PEAK1: variants seen among roughly 807,000 people sequenced by gnomAD.
PEAK1 encodes pseudopodium enriched atypical kinase 1.
A neutral mutation model predicts 124.7 loss-of-function variants in PEAK1; 54 were observed. The observed-to-expected ratio is 0.43, with a 90% confidence interval of 0.35 to 0.54. PEAK1 has a LOEUF of 0.54. Ranked by LOEUF, PEAK1 falls within the 20% of genes least tolerant of loss-of-function variation. The probability of loss-of-function intolerance (pLI) is 0.01; values close to 1 mark genes in which losing one functional copy is unlikely to be tolerated. For synonymous variants in PEAK1, 719 were observed against 760.0 expected, an observed-to-expected ratio of 0.95 and a Z score of 0.89; for missense variants, 2,046 against 2,134.5, an observed-to-expected ratio of 0.96 and a Z score of 0.82.
intron 6 of PEAK1, among the ~76,000 whole-genome samples, chr15:77,220,329 A>G (rs2059329172): frequency 6.6e-6 from 1 of 152,050 alleles, no homozygotes; most frequent in Non-Finnish European, 1.5e-5. Flanking sequence ...AAGGCATTTC[A>G]GAAAAAATTA....
chr15:77,368,091 A>C (rs1363525018), intron 1 of PEAK1, among the ~76,000 whole-genome samples: 1 of 152,234 alleles, frequency 6.6e-6, no homozygotes, highest in Admixed American at 6.5e-5. Context: ...AATTTTCTAC[A>C]GTGTTTAATA....
chr15:77,323,026 C>G (rs1326294250), intron 2 of PEAK1, among the ~76,000 whole-genome samples: 4 of 152,140 alleles, frequency 2.6e-5, no homozygotes, highest in Non-Finnish European at 5.9e-5. Flanking sequence ...GAACCAAAGA[C>G]AAAAACCACA....
At chr15:77,319,410 T>A (rs2065064445) in intron 2 of PEAK1, among the ~76,000 whole-genome samples, 1 of 152,206 alleles carries the variant, frequency 6.6e-6, no homozygotes, top group African/African-American at 2.4e-5. Context: ...ATACTCATTA[T>A]CTCTGAAGTA....
chr15:77,248,386 C>T (rs527948668), intron 6 of PEAK1, among the ~76,000 whole-genome samples: 4 of 152,254 alleles, frequency 2.6e-5, no homozygotes, highest in South Asian at 4.2e-4. Flanking sequence ...AAAGATAATC[C>T]GTATTCCGTT....
At chr15:77,307,754 A>G (rs2221983) in intron 2 of PEAK1, among the ~76,000 whole-genome samples, 150,099 of 152,128 alleles carry the variant, frequency 0.99, 74,074 homozygotes, top group East Asian at 1. Flanking sequence ...CCTCTCAACA[A>G]AAGGGATACA....
intron 5 of PEAK1, among the ~76,000 whole-genome samples, chr15:77,273,870 T>C (rs769117371): frequency 1.3e-5 from 2 of 152,082 alleles, no homozygotes. Flanking sequence ...ATTACCCAAC[T>C]TCAAACGATA....
intron 8 of PEAK1, chr15:77,155,474 TTC>T (rs1245935320): frequency 1.3e-5 from 2 of 152,292 alleles, no homozygotes; most frequent in East Asian, 3.8e-4. Context: ...TGAAGCCTTC[TTC>T]TCTCAACTCG....
intron 1 of PEAK1, among the ~76,000 whole-genome samples, chr15:77,383,136 T>C (rs2069626988): frequency 6.6e-6 from 1 of 151,772 alleles, no homozygotes; most frequent in Non-Finnish European, 1.5e-5. Flanking sequence ...CAAGTCTCCT[T>C]TCTCAGCCTC....
chr15:77,179,825 G>A lies in PEAK1; in HGVS notation c.2102C>T (p.Ser701Leu). Residue 701 changes from serine (S) to leucine (L), a missense_variant, in exon 7 of 10, where the codon TCA (serine) becomes TTA (leucine). Physicochemically the swap from Ser to Leu is moderately radical, Grantham distance 145 (BLOSUM62 -2). Coordinates refer to ENST00000682557, the MANE Select transcript of PEAK1 (RefSeq NM_001385026.1). ...AAACTCTTGAACCTTCTGAGCCACT[G>A]AGCCCCTTTTATGCTCTGTGCTGTT... ...FSNSTEHKRG[S>L]VAQKVQEFNN... The A allele has an allele frequency of 6.2e-7, 1 of 1,614,128 alleles. No homozygotes were observed. The highest frequency in any genetic ancestry group is 1.3e-5 in the African/African-American group (1 of 75,032).
At chr15:77,250,184 TATATATAC>T (rs2060793590) in intron 6 of PEAK1, among the ~76,000 whole-genome samples, 1 of 112,998 alleles carries the variant, frequency 8.8e-6, no homozygotes, top group African/African-American at 2.9e-5. Flanking sequence ...TGTATATGTA[TATATATAC>T]ATATATATAC....
At position 77,179,816 on chromosome 15, in the gene PEAK1, T is replaced by C. The variant is rs774159944; in HGVS notation, c.2111A>G (p.Gln704Arg). The C allele has an allele frequency of 4.2e-5, 67 of 1,614,054 alleles. No individual in the cohort carries two copies. The East Asian group carries it at 1.4e-3, about 35-fold the overall frequency. The change falls in exon 7 of 10, where the codon CAG becomes CGG. Residue 704 changes from glutamine (Q) to arginine (R), a missense_variant. By Grantham distance (43) the Gln-to-Arg change is conservative (BLOSUM62 1). Coordinates refer to ENST00000682557, the MANE Select transcript of PEAK1 (RefSeq NM_001385026.1). ...STEHKRGSVA[Q>R]KVQEFNNCLN... ...ACAGTTGTTAAACTCTTGAACCTTC[T>C]GAGCCACTGAGCCCCTTTTATGCTC... is the stretch of plus-strand genomic sequence containing the variant.
chr15:77,188,671 T>C (rs1293280106), intron 6 of PEAK1, among the ~76,000 whole-genome samples: 1 of 152,058 alleles, frequency 6.6e-6, no homozygotes, highest in African/African-American at 2.4e-5. Flanking sequence ...TGAAACCCTA[T>C]TTATCCTTCA....
At chr15:77,145,232 T>A (rs1020571897) in intron 8 of PEAK1, among the ~76,000 whole-genome samples, 3 of 152,204 alleles carry the variant, frequency 2.0e-5, no homozygotes, top group African/African-American at 7.2e-5. Context: ...GTGGATCGCC[T>A]GAGCTCAGAA....
intron 5 of PEAK1, among the ~76,000 whole-genome samples, chr15:77,252,792 T>G (rs2060939446): frequency 6.6e-6 from 1 of 152,190 alleles, no homozygotes; most frequent in Non-Finnish European, 1.5e-5. Flanking sequence ...CTTCATTTGA[T>G]TGTTTTTGTA....
chr15:77,301,560 T>C (rs2063788297), intron 2 of PEAK1, among the ~76,000 whole-genome samples: 1 of 152,178 alleles, frequency 6.6e-6, no homozygotes, highest in Non-Finnish European at 1.5e-5. Flanking sequence ...ATTTATTTGA[T>C]TTCTCATTAG....
intron 6 of PEAK1, among the ~76,000 whole-genome samples, chr15:77,232,730 T>A (rs1384877167): frequency 2.0e-5 from 3 of 152,210 alleles, no homozygotes; most frequent in African/African-American, 7.2e-5. Context: ...GGAATGTTCT[T>A]GAAATACCTT....
chr15:77,265,542 C>A lies in PEAK1; in HGVS notation c.-274-13016G>T, dbSNP rs191206608. Reference sequence around the variant, plus strand: ...ACTGGCCATCAGAGAAATGCAAATCCAAACTGCAATGAGATACCATCTCAC... The same window carrying A: ...ACTGGCCATCAGAGAAATGCAAATCAAAACTGCAATGAGATACCATCTCAC... On this transcript the variant is annotated intron_variant, in intron 5 of 9. Coordinates refer to ENST00000682557, the MANE Select transcript of PEAK1 (RefSeq NM_001385026.1). Among the ~76,000 whole-genome samples, 356 of 152,230 alleles carry A rather than the reference C, an allele frequency of 2.3e-3. 1 individual carries two copies. The highest frequency in any genetic ancestry group is 6.8e-3 in the Middle Eastern group (2 of 294).
chr15:77,196,442 T>G (rs2058106781), intron 6 of PEAK1, among the ~76,000 whole-genome samples: 1 of 152,210 alleles, frequency 6.6e-6, no homozygotes, highest in African/African-American at 2.4e-5. Context: ...CTATCTTGGA[T>G]CAACATAATT....
chr15:77,196,755 G>A (rs1294135936), intron 6 of PEAK1, among the ~76,000 whole-genome samples: 1 of 152,156 alleles, frequency 6.6e-6, no homozygotes, highest in South Asian at 2.1e-4. Flanking sequence ...TACTTTCAGA[G>A]AAACTGAGAG....
Sources: allele counts gnomAD v4.1 joint callset (sites outside exome capture counted in the v4.1 genomes callset), GRCh38; gene constraint gnomAD v4.1.1; transcripts MANE v1.5; gene names NCBI Gene and HGNC (gene_info 2026-07-23, HGNC 2026-07-21).